Variants in NKAIN2 observed in about 807,000 individuals in gnomAD.
NKAIN2 encodes the protein sodium/potassium-transporting ATPase subunit beta-1-interacting protein 2.
In NKAIN2, 14 loss-of-function variants were observed where a neutral mutation model predicts 32.6. That is an observed-to-expected ratio of 0.43 (90% CI 0.28 to 0.67). NKAIN2 has a LOEUF of 0.67. NKAIN2 is among the 30% of genes least tolerant of loss of function. NKAIN2 has a pLI of 0.17. For synonymous variants in NKAIN2, 80 were observed against 87.2 expected, an observed-to-expected ratio of 0.92 and a Z score of 0.46; for missense variants, 198 against 258.3, an observed-to-expected ratio of 0.77 and a Z score of 1.60.
chr6:123,986,129 C>T (rs1449652078), intron 1 of NKAIN2, among the ~76,000 whole-genome samples: 1 of 151,960 alleles, frequency 6.6e-6, no homozygotes, highest in Non-Finnish European at 1.5e-5. Flanking sequence ...ACACTTTAAA[C>T]ATGCTACAGA....
At chr6:124,490,233 A>T (rs1406986822) in intron 3 of NKAIN2, among the ~76,000 whole-genome samples, 1 of 151,730 alleles carries the variant, frequency 6.6e-6, no homozygotes, top group African/African-American at 2.4e-5. Context: ...GGAAAGAAAA[A>T]AAAACTAAGC....
intron 1 of NKAIN2, among the ~76,000 whole-genome samples, chr6:123,945,436 C>A (rs1364173815): frequency 6.6e-6 from 1 of 152,064 alleles, no homozygotes; most frequent in Non-Finnish European, 1.5e-5. Flanking sequence ...AAATTTAAAT[C>A]TAAGGGCCTT....
At chr6:124,716,010 C>T (rs898536249) in intron 4 of NKAIN2, among the ~76,000 whole-genome samples, 1 of 152,142 alleles carries the variant, frequency 6.6e-6, no homozygotes, top group African/African-American at 2.4e-5. Flanking sequence ...CTTGATAAAG[C>T]TTATTTTTGT....
intron 1 of NKAIN2, among the ~76,000 whole-genome samples, chr6:123,919,251 T>C (rs1775635079): frequency 6.6e-6 from 1 of 152,118 alleles, no homozygotes; most frequent in South Asian, 2.1e-4. Flanking sequence ...CAGGGCAGGA[T>C]GTGAAAAGCA....
intron 1 of NKAIN2, among the ~76,000 whole-genome samples, chr6:123,931,411 A>C (rs1023768459): frequency 6.6e-6 from 1 of 152,192 alleles, no homozygotes; most frequent in Admixed American, 6.5e-5. Context: ...AGAAATAAAA[A>C]TAAAGATTTG....
chr6:123,907,216 T>G (rs1774923982), intron 1 of NKAIN2, among the ~76,000 whole-genome samples: 1 of 152,208 alleles, frequency 6.6e-6, no homozygotes, highest in African/African-American at 2.4e-5. Flanking sequence ...AAAACGCTAA[T>G]TATTTCTATT....
chr6:124,584,123 C>A (rs1781621654), intron 3 of NKAIN2, among the ~76,000 whole-genome samples: 1 of 151,986 alleles, frequency 6.6e-6, no homozygotes, highest in Admixed American at 6.5e-5. Flanking sequence ...CACAGGCAAC[C>A]CAAGCAAAAA....
intron 1 of NKAIN2, among the ~76,000 whole-genome samples, chr6:124,265,373 T>C (rs1204356898): frequency 6.6e-6 from 1 of 152,164 alleles, no homozygotes; most frequent in East Asian, 1.9e-4. Context: ...TATGCTTCAT[T>C]TTTAATACTG....
At chr6:124,321,165 C>A (rs566435410) in intron 2 of NKAIN2, among the ~76,000 whole-genome samples, 2 of 152,276 alleles carry the variant, frequency 1.3e-5, no homozygotes, top group Admixed American at 1.3e-4. Context: ...GCCTGCCTTC[C>A]TTTTAGCACC....
intron 1 of NKAIN2, among the ~76,000 whole-genome samples, chr6:123,927,986 T>C (rs950652620): frequency 7.2e-5 from 11 of 152,044 alleles, no homozygotes; most frequent in African/African-American, 2.7e-4. Context: ...GCTTGGTTGG[T>C]TTCATAACTA....
intron 3 of NKAIN2, among the ~76,000 whole-genome samples, chr6:124,515,243 G>T (rs1275154567): frequency 6.6e-6 from 1 of 152,004 alleles, no homozygotes; most frequent in Non-Finnish European, 1.5e-5. Flanking sequence ...AATACCTTAG[G>T]CTGGGTAATT....
At chr6:124,422,255 C>A (rs1171044474) in intron 3 of NKAIN2, among the ~76,000 whole-genome samples, 2 of 151,896 alleles carry the variant, frequency 1.3e-5, no homozygotes, top group Non-Finnish European at 2.9e-5. Flanking sequence ...CTGATAATTG[C>A]CTTCTTTGTG....
At chr6:123,916,607 C>A (rs1045262843) in intron 1 of NKAIN2, among the ~76,000 whole-genome samples, 1 of 151,754 alleles carries the variant, frequency 6.6e-6, no homozygotes, top group Non-Finnish European at 1.5e-5. Context: ...TGCAGAAGAA[C>A]GAAGAAGATG....
intron 1 of NKAIN2, among the ~76,000 whole-genome samples, chr6:123,969,709 G>T (rs1034630494): frequency 1.3e-5 from 2 of 152,178 alleles, no homozygotes; most frequent in East Asian, 3.9e-4. Flanking sequence ...AGTTGCCAGT[G>T]TCTAGATGGG....
At chr6:124,482,346 G>T (rs1444151384) in intron 3 of NKAIN2, among the ~76,000 whole-genome samples, 1 of 152,086 alleles carries the variant, frequency 6.6e-6, no homozygotes, top group Non-Finnish European at 1.5e-5. Flanking sequence ...TCTAAAATGT[G>T]CAATAAAATT....
At chr6:124,673,658 T>C (rs1773213396) in intron 4 of NKAIN2, among the ~76,000 whole-genome samples, 1 of 152,192 alleles carries the variant, frequency 6.6e-6, no homozygotes, top group Non-Finnish European at 1.5e-5. Flanking sequence ...ACTTTTTTCA[T>C]ATACCTGTTG....
intron 4 of NKAIN2, among the ~76,000 whole-genome samples, chr6:124,726,873 G>A (rs1471121723): frequency 1.6e-5 from 2 of 122,218 alleles, no homozygotes; most frequent in Admixed American, 9.0e-5. Flanking sequence ...GGAGCTGATG[G>A]AGCTGAAAAC....
At chr6:123,982,507 A>G (rs1464765528) in intron 1 of NKAIN2, among the ~76,000 whole-genome samples, 5 of 152,152 alleles carry the variant, frequency 3.3e-5, no homozygotes, top group African/African-American at 9.7e-5. Flanking sequence ...CCATTTCATT[A>G]TATTGTGCCT....
rs538361049 is a variant in NKAIN2, at chr6:124,810,489, G to A, written c.536-7898G>A. 9.2e-5 allele frequency among the ~76,000 whole-genome samples: 14 copies of A among 152,104 alleles called. No individual in the cohort carries two copies. In the South Asian group the frequency reaches 2.9e-3, roughly 32 times the overall value. ...CACACTCTGAGGACTGTTGTGGGGT[G>A]GGGGGAGCGGGAAGGGATAGCATTG... On this transcript the variant is annotated intron_variant, in intron 5 of 6. Transcript: ENST00000368417.
Sources: allele counts gnomAD v4.1 joint callset (sites outside exome capture counted in the v4.1 genomes callset), GRCh38; gene constraint gnomAD v4.1.1; transcripts MANE v1.5; gene names NCBI Gene and HGNC (gene_info 2026-07-23, HGNC 2026-07-21).